Variants in CABIN1 observed in about 807,000 individuals in gnomAD.
CABIN1 encodes the protein calcineurin binding protein 1.
A neutral mutation model predicts 227.7 loss-of-function variants in CABIN1; 133 were observed. That is an observed-to-expected ratio of 0.58 (90% CI 0.51 to 0.67). The LOEUF is 0.67. Among genes scored for constraint, CABIN1 ranks in the 30% least tolerant of loss-of-function variants. The probability of loss-of-function intolerance (pLI) is 0.00; values close to 1 mark genes in which losing one functional copy is unlikely to be tolerated. For synonymous variants in CABIN1, 1,086 were observed against 1,155.1 expected (o/e 0.94, Z 1.21); for missense variants, 2,408 against 2,852.5 (o/e 0.84, Z 3.55).
intron 28 of CABIN1, among the ~76,000 whole-genome samples, chr22:24,131,265 G>C (rs1351798234): frequency 1.3e-5 from 2 of 152,220 alleles, no homozygotes; most frequent in Non-Finnish European, 2.9e-5. Flanking sequence ...CACTTAAAGA[G>C]GTCTTCCGGA....
intron 16 of CABIN1, among the ~76,000 whole-genome samples, chr22:24,068,084 ATTTT>A: frequency 6.6e-6 from 1 of 152,244 alleles, no homozygotes; most frequent in African/African-American, 2.4e-5. Context: ...TGCACGAAGC[ATTTT>A]AATCATTAAC....
At chr22:24,163,518 A>T (rs1435646424) in intron 29 of CABIN1, among the ~76,000 whole-genome samples, 1 of 152,132 alleles carries the variant, frequency 6.6e-6, no homozygotes, top group Non-Finnish European at 1.5e-5. Context: ...TGTCACTCAT[A>T]ACCTTGGTCC....
At position 24,143,619 on chromosome 22, in the gene CABIN1, G is replaced by A. The variant is rs142112350; in HGVS notation, c.4746+9204G>A. ...CAGCAGCTGGGCCTGGCTGTGCCTG[G>A]CCTTGTTGGGGGCCTGGCAGAGAGT... is the stretch of plus-strand genomic sequence containing the variant. On this transcript the variant is annotated intron_variant, in intron 29 of 36. Coordinates refer to ENST00000263119, the MANE Select transcript of CABIN1 (RefSeq NM_012295.4). Among the ~76,000 whole-genome samples, 1,203 of 152,304 alleles carry A rather than the reference G, an allele frequency of 7.9e-3. 6 individuals carry two copies. Among genetic ancestry groups the A allele is most frequent in the South Asian group, 0.014 (69 of 4,820 alleles).
At chr22:24,091,933 A>C (rs1602029785) in intron 24 of CABIN1, 90 bp downstream of exon 24, 1 of 1,535,974 alleles carries the variant, frequency 6.5e-7, no homozygotes, top group Non-Finnish European at 8.9e-7. Context: ...GGTTCCAGTG[A>C]CCGTCCTTCA....
intron 1 of CABIN1, among the ~76,000 whole-genome samples, chr22:24,016,709 C>A (rs982670972): frequency 2.0e-5 from 3 of 152,176 alleles, no homozygotes; most frequent in Non-Finnish European, 4.4e-5. Flanking sequence ...GTAGTTTTCT[C>A]AGATATAGTC....
Position 24,051,076 on chromosome 22 carries a change from G to C in CABIN1, c.806+102G>C, listed in dbSNP as rs927367727. ...GAGAGACCTTGAGGCTTGATCCTGG[G>C]TTGGTGGTATGAATGGGGGCTGGGT... On this transcript the variant is annotated intron_variant, in intron 8 of 36. Coordinates refer to ENST00000263119, the MANE Select transcript of CABIN1 (RefSeq NM_012295.4). 6.0e-6 allele frequency: 9 copies of C among 1,504,688 alleles called. No homozygotes were observed. The African/African-American group carries it at 1.2e-4, about 21-fold the overall frequency. 93.2% of individuals were successfully genotyped at this position (1,504,688 alleles called of 1,614,324 possible).
chr22:24,045,098 T>G (rs567558989), intron 6 of CABIN1, among the ~76,000 whole-genome samples: 69 of 152,190 alleles, frequency 4.5e-4, no homozygotes, highest in East Asian at 9.7e-4. Flanking sequence ...TTTTTGTTTT[T>G]TATTTTTAGT....
chr22:24,154,158 G>T (rs980394363), intron 29 of CABIN1, among the ~76,000 whole-genome samples: 2 of 152,196 alleles, frequency 1.3e-5, no homozygotes, highest in African/African-American at 4.8e-5. Context: ...TTTCTTCCTG[G>T]CCTGGGTGTG....
chr22:24,122,872 C>G (rs1358690614), intron 28 of CABIN1, among the ~76,000 whole-genome samples: 1 of 152,090 alleles, frequency 6.6e-6, no homozygotes, highest in African/African-American at 2.4e-5. Flanking sequence ...TGTGTGCTTT[C>G]GAGACACCAG....
intron 28 of CABIN1, among the ~76,000 whole-genome samples, chr22:24,127,423 G>A (rs900387910): frequency 2.6e-5 from 4 of 152,220 alleles, no homozygotes; most frequent in African/African-American, 9.6e-5. Context: ...CCACACAGGT[G>A]GAGAAGAAGT....
At chr22:24,150,735 C>G (rs574090395) in intron 29 of CABIN1, among the ~76,000 whole-genome samples, 3 of 152,186 alleles carry the variant, frequency 2.0e-5, no homozygotes, top group Non-Finnish European at 4.4e-5. Context: ...ACTTCTGGCT[C>G]CGCTGGTGGA....
intron 29 of CABIN1, among the ~76,000 whole-genome samples, chr22:24,162,967 A>C (rs1395462228): frequency 6.6e-6 from 1 of 152,186 alleles, no homozygotes; most frequent in Non-Finnish European, 1.5e-5. Context: ...CCCAGGAGAC[A>C]GTGTCTGCCC....
chr22:24,049,819 C>G (rs2038184565), intron 7 of CABIN1, among the ~76,000 whole-genome samples: 2 of 152,144 alleles, frequency 1.3e-5, no homozygotes, highest in South Asian at 4.1e-4. Flanking sequence ...ATGCTCTAAA[C>G]TCTCATGCCA....
chr22:24,175,796 C>T, intron 34 of CABIN1: 1 of 487,042 alleles, frequency 2.1e-6, no homozygotes, highest in Non-Finnish European at 3.8e-6. Flanking sequence ...CTCTCACTGC[C>T]TTGTGATGGG....
intron 5 of CABIN1, among the ~76,000 whole-genome samples, chr22:24,042,014 C>T (rs1160766144): frequency 1.3e-5 from 2 of 152,206 alleles, no homozygotes; most frequent in Non-Finnish European, 1.5e-5. Flanking sequence ...TGCAGTGGCA[C>T]AATCAGGGCT....
chr22:24,095,594 G>A (rs188557301), intron 24 of CABIN1, among the ~76,000 whole-genome samples: 56 of 152,286 alleles, frequency 3.7e-4, no homozygotes, highest in African/African-American at 1.3e-3. Flanking sequence ...GCCCACTGAA[G>A]GGCACAAAGA....
At chr22:24,055,289 T>C in intron 9 of CABIN1, 130 bp downstream of exon 9, 1 of 1,106,818 alleles carries the variant, frequency 9.0e-7, no homozygotes. Flanking sequence ...CAAGTGGAAG[T>C]GGGAGCCCCC....
At position 24,167,118 on chromosome 22, in the gene CABIN1, G is replaced by C. The variant is rs1438323225; in HGVS notation, c.5487G>C (p.Gly1829=). 1 of 1,568,666 alleles carries C rather than the reference G, an allele frequency of 6.4e-7. No homozygotes were observed. Among genetic ancestry groups the C allele is most frequent in the Admixed American group, 1.9e-5 (1 of 52,218 alleles). ...CCCCCGCCCCCGCCACCACCACAGG[G>C]ACCAGGGCAGGGGGCCACCCGGAGG... ...APAPAPATTT[G]TRAGGHPEEP... is the part of the protein sequence containing the mutation. The change falls in exon 32 of 37, where the codon GGG becomes GGC. Residue 1829 remains glycine (G), a synonymous_variant. Coordinates refer to ENST00000263119, the MANE Select transcript of CABIN1 (RefSeq NM_012295.4).
chr22:24,110,904 C>T (rs2147741805), intron 26 of CABIN1, among the ~76,000 whole-genome samples: 1 of 148,196 alleles, frequency 6.7e-6, no homozygotes, highest in Admixed American at 6.7e-5. Flanking sequence ...AGGGATCTTT[C>T]CCTTGCTTGG....
Sources: gnomAD v4.1 joint callset for allele counts (sites outside exome capture counted in the v4.1 genomes callset) on GRCh38, gnomAD v4.1.1 for gene constraint, MANE v1.5 for transcripts, NCBI Gene and HGNC (gene_info 2026-07-23, HGNC 2026-07-21) for gene names.